The following FBXL19 variants were observed in gnomAD, a reference collection of about 807,000 sequenced individuals.
FBXL19 encodes F-box/LRR-repeat protein 19.
FBXL19 carries 16 observed loss-of-function variants against 71.2 expected under a neutral mutation model. The ratio of observed to expected loss-of-function variants is 0.22; its 90% CI spans 0.15 to 0.34. The LOEUF (loss-of-function observed/expected upper bound fraction) is 0.34. Among genes scored for constraint, FBXL19 ranks in the 10% least tolerant of loss-of-function variants. FBXL19 has a pLI of 1.00. For missense variants in FBXL19, 658 were observed against 968.2 expected, an observed-to-expected ratio of 0.68 and a Z score of 4.25; for synonymous variants, 447 against 409.4, an observed-to-expected ratio of 1.09 and a Z score of -1.11.
chr16:30,930,340 G>A lies in FBXL19; in HGVS notation c.1057G>A (p.Val353Met), dbSNP rs1418562368. ...GGAGAACCGTGGGGGGCGGCGGGCT[G>A]TGCGCCCTGGCAGTGGGGGGCCCCT... is the stretch of plus-strand genomic sequence containing the variant. ...EKENRGGRRA[V>M]RPGSGGPLLS... Residue 353 changes from valine to methionine, a missense_variant, in exon 7 of 11, where the codon GTG (valine) becomes ATG (methionine). Transcript: ENST00000338343. The surrounding 1 kb of genome is among the most constrained non-coding windows in gnomAD (Gnocchi z 8.5). The A allele has an allele frequency of 1.3e-6, 2 of 1,591,002 alleles. No homozygotes were observed. Among genetic ancestry groups the A allele is most frequent in the African/African-American group, 2.7e-5 (2 of 74,540 alleles).
chr16:30,939,977 C>G (rs2055783680), intron 7 of FBXL19, among the ~76,000 whole-genome samples: 1 of 151,932 alleles, frequency 6.6e-6, no homozygotes, highest in Non-Finnish European at 1.5e-5. Context: ...AAAAAATAGG[C>G]CAGGCACAGT....
At chr16:30,931,497 C>T (rs1359777952) in intron 7 of FBXL19, among the ~76,000 whole-genome samples, 2 of 152,144 alleles carry the variant, frequency 1.3e-5, no homozygotes, top group African/African-American at 4.8e-5. Context: ...GGACCAGGCT[C>T]CCTGTTGGGC....
rs899205477 is a variant in FBXL19, at chr16:30,927,605, G to T, written c.354G>T (p.Glu118Asp). The change falls in exon 4 of 11, where the codon GAG (glutamate) becomes GAT (aspartate). Residue 118 changes from glutamate (E) to aspartate (D), a missense_variant. By Grantham distance (45) the Glu-to-Asp change is conservative. Coordinates refer to ENST00000338343, the MANE Select transcript of FBXL19 (RefSeq NM_001382779.1). The part of the protein sequence containing the change: ...MGKAEGVINA[E>D]IPNCWECPRC... ...AGGCTGAGGGTGTCATCAATGCAGA[G>T]ATCCCCAACTGCTGGGAGTGCCCTC... 5.8e-6 allele frequency: 9 copies of T among 1,562,718 alleles called. No individual in the cohort carries two copies. The highest frequency in any genetic ancestry group is 6.9e-6 in the Non-Finnish European group (8 of 1,153,598).
chr16:30,941,577 C>T (rs2055802959), intron 7 of FBXL19, among the ~76,000 whole-genome samples: 1 of 152,080 alleles, frequency 6.6e-6, no homozygotes, highest in South Asian at 2.1e-4. Flanking sequence ...GCTGTAAGTC[C>T]AGCTGCGGGC....
chr16:30,939,411 T>G (rs1596655374), intron 7 of FBXL19, among the ~76,000 whole-genome samples: 2 of 144,928 alleles, frequency 1.4e-5, no homozygotes, highest in Non-Finnish European at 1.5e-5. Flanking sequence ...ATACTGGGGT[T>G]TTTTTTTTTG....
At chr16:30,932,888 T>A (rs2055691031) in intron 7 of FBXL19, among the ~76,000 whole-genome samples, 1 of 147,986 alleles carries the variant, frequency 6.8e-6, no homozygotes, top group Non-Finnish European at 1.5e-5. Context: ...TCACCCAGGC[T>A]GAAGTGCAGT....
At chr16:30,928,420 C>T in intron 5 of FBXL19, 47 bp from the exon 6 acceptor site, 5 of 1,491,212 alleles carry the variant, frequency 3.4e-6, no homozygotes, top group Non-Finnish European at 3.6e-6. Context: ...CCATGAGGGC[C>T]TAATGGGGTC....
At chr16:30,924,746 TC>T in intron 1 of FBXL19, 1 of 1,490,450 alleles carries the variant, frequency 6.7e-7, no homozygotes, top group Non-Finnish European at 8.9e-7. Context: ...GGTATGAAAG[TC>T]CCCGGAAAGG....
At chr16:30,944,610 T>G (rs1236182376) in intron 9 of FBXL19, among the ~76,000 whole-genome samples, 1 of 152,184 alleles carries the variant, frequency 6.6e-6, no homozygotes, top group Non-Finnish European at 1.5e-5. Context: ...TTGAGGTTGA[T>G]TCCATGGCTT....
rs778042814 is a variant in FBXL19 at position 30,946,854 on chromosome 16, G to A, written c.1752G>A (p.Leu584=). The A allele has an allele frequency of 1.9e-6, 3 of 1,611,964 alleles. No homozygotes were observed. Among genetic ancestry groups the A allele is most frequent in the Non-Finnish European group, 2.5e-6 (3 of 1,179,560 alleles). Residue 584 remains leucine, a synonymous_variant, in exon 10 of 11, where the codon CTG becomes CTA. Coordinates refer to ENST00000338343, the MANE Select transcript of FBXL19 (RefSeq NM_001382779.1). The surrounding 1 kb of genome is among the most constrained non-coding windows in gnomAD (Gnocchi z 6.7). ...RHAPQLSALD[L]SHCAHVGDPS... ...CACCCCAGCTGAGCGCCCTGGACCT[G>A]AGCCACTGCGCCCACGTCGGGGACC...
Position 30,930,440 on chromosome 16 carries a change from C to T in FBXL19, c.1157C>T (p.Pro386Leu). 1 of 1,531,808 alleles carries T rather than the reference C, an allele frequency of 6.5e-7. No homozygotes were observed. The highest frequency in any genetic ancestry group is 8.7e-7 in the Non-Finnish European group (1 of 1,144,422). The allele number at this position is 1,531,808 out of a possible 1,614,324, so 94.9% of individuals were successfully genotyped here. ...QLERHVVRPP[P>L]RSPEPDTLPL... ...GAGCGGCACGTGGTGCGGCCCCCGC[C>T]TCGAAGCCCTGAGCCCGACACACTC... The change falls in exon 7 of 11, where the codon CCT becomes CTT. Residue 386 changes from proline (P) to leucine (L), a missense_variant. Pro to Leu is a moderately conservative substitution (Grantham distance 98). Coordinates refer to ENST00000338343, the MANE Select transcript of FBXL19 (RefSeq NM_001382779.1). The surrounding 1 kb of genome is among the most constrained non-coding windows in gnomAD (Gnocchi z 8.5).
In FBXL19 at chr16:30,930,914, ATAG is replaced by A. The variant is rs1287339772; in HGVS notation, c.1301+334_1301+336del. The stretch of plus-strand genomic sequence containing the variant: ...TTTGGCTCCAGTGCCTTTCCTCCTA[ATAG>A]TAGCGACTATATTGAGTGTCTAGTG... On this transcript the variant is annotated intron_variant, in intron 7 of 10. Transcript: ENST00000338343. The surrounding 1 kb of genome is among the most constrained non-coding windows in gnomAD (Gnocchi z 8.5). 1.3e-5 allele frequency among the ~76,000 whole-genome samples: 2 copies of A among 152,084 alleles called. No individual in the cohort carries two copies. The highest frequency in any genetic ancestry group is 4.8e-5 in the African/African-American group (2 of 41,396).
In FBXL19 at chr16:30,942,251, G is replaced by A. The variant is rs377481358; in HGVS notation, c.1437G>A (p.Gln479=). 1.3e-4 allele frequency: 212 copies of A among 1,597,404 alleles called. No individual in the cohort carries two copies. In the African/African-American group the frequency reaches 2.5e-3, roughly 19 times the overall value. Residue 479 remains glutamine, a synonymous_variant, in exon 8 of 11, where the codon CAG becomes CAA. Coordinates refer to ENST00000338343, the MANE Select transcript of FBXL19 (RefSeq NM_001382779.1). This position sits in a 1 kb window ranked among gnomAD's most constrained non-coding sequence, Gnocchi z 5.7. Reference sequence around the variant, plus strand: ...GCTGGACAGGTGTCTCCAAGAAGCAGCTCATGTGGCTTCTGAACCGACTAC... The same window carrying A: ...GCTGGACAGGTGTCTCCAAGAAGCAACTCATGTGGCTTCTGAACCGACTAC... ...DLSWTGVSKK[Q]LMWLLNRLQG...
intron 7 of FBXL19, among the ~76,000 whole-genome samples, chr16:30,935,555 A>G (rs1204706305): frequency 6.6e-6 from 1 of 152,168 alleles, no homozygotes; most frequent in Non-Finnish European, 1.5e-5. Context: ...GCAGCAAGGA[A>G]GGGACTGGAA....
chr16:30,924,792 C>A, intron 1 of FBXL19: 8 of 1,447,042 alleles, frequency 5.5e-6, no homozygotes, highest in Non-Finnish European at 7.3e-6. Context: ...GGAAGAGACC[C>A]TCCAGGCTTC....
upstream of FBXL19, among the ~76,000 whole-genome samples, chr16:30,923,531 A>C (rs1421506637): frequency 1.4e-5 from 1 of 72,098 alleles, no homozygotes; most frequent in Non-Finnish European, 2.7e-5. Context: ...GGGGAGGAGG[A>C]GGAGGAGGAG....
At position 30,942,546 on chromosome 16, in the gene FBXL19, CTGTT is replaced by C. The variant is rs1288923457; in HGVS notation, c.1627+13_1627+16del. On this transcript the variant is annotated intron_variant, in intron 9 of 10. Transcript: ENST00000338343. The surrounding 1 kb of genome is among the most constrained non-coding windows in gnomAD (Gnocchi z 5.7). ...CCAGACACCAAACCAGGTGCAACCTCTGTTTGCTTTTCTGGAGAATGGGCTGGGC... is the reference window on the plus strand; with the variant it reads ...CCAGACACCAAACCAGGTGCAACCTCTGCTTTTCTGGAGAATGGGCTGGGC... 28 of 1,570,232 alleles carry C rather than the reference CTGTT, an allele frequency of 1.8e-5. No homozygotes were observed. The highest frequency in any genetic ancestry group is 3.6e-5 in the Admixed American group (2 of 55,012).
intron 7 of FBXL19, among the ~76,000 whole-genome samples, chr16:30,936,934 G>A (rs988153642): frequency 6.6e-6 from 1 of 151,728 alleles, no homozygotes; most frequent in Non-Finnish European, 1.5e-5. Context: ...GTAGAGACGA[G>A]GTTTCACTAT....
At position 30,927,861 on chromosome 16, in the gene FBXL19, C is replaced by T. The variant is rs1469090351; in HGVS notation, c.525C>T (p.Arg175=). ...EPPLPPPPPR[R]KGPLPAGPPP... Reference sequence around the variant, plus strand: ...CGCTTCCACCGCCCCCGCCCAGGCGCAAGGGCCCCCTGCCTGCCGGGCCCC... The same window carrying T: ...CGCTTCCACCGCCCCCGCCCAGGCGTAAGGGCCCCCTGCCTGCCGGGCCCC... Residue 175 remains arginine, a synonymous_variant, in exon 5 of 11, where the codon CGC becomes CGT. Coordinates refer to ENST00000338343, the MANE Select transcript of FBXL19 (RefSeq NM_001382779.1). The T allele has an allele frequency of 1.3e-6, 2 of 1,535,896 alleles. No individual in the cohort carries two copies. The highest frequency in any genetic ancestry group is 2.4e-5 in the South Asian group (2 of 82,520).
Sources: gnomAD v4.1 joint callset for allele counts (sites outside exome capture counted in the v4.1 genomes callset) on GRCh38, gnomAD v4.1.1 for gene constraint, Gnocchi (gnomAD v3.1) non-coding constraint, MANE v1.5 for transcripts, NCBI Gene and HGNC (gene_info 2026-07-23, HGNC 2026-07-21) for gene names.